Variants in EDDM3A observed in about 807,000 individuals in gnomAD.
EDDM3A encodes the protein epididymal protein 3A.
For synonymous variants in EDDM3A, 75 were observed against 60.4 expected (o/e 1.24, Z -1.12); for missense variants, 199 against 177.4 (o/e 1.12, Z -0.69).
chr14:20,744,806 TA>T (rs148864433), upstream of EDDM3A, among the ~76,000 whole-genome samples: 4,953 of 152,246 alleles, frequency 0.033, 246 homozygotes, highest in African/African-American at 0.11. Context: ...AGGTTATAAT[TA>T]AAAAACTGAG....
chr14:20,747,564 T>C lies in EDDM3A; in HGVS notation c.-17T>C. 2 of 1,576,310 alleles carry C rather than the reference T, an allele frequency of 1.3e-6. No homozygotes were observed. Among genetic ancestry groups the C allele is most frequent in the Admixed American group, 1.8e-5 (1 of 55,186 alleles). ...TTTCTCTTCCCTGTAGACACGCAGG[T>C]GGACGTGGTGACTGAGATGACATCC... On this transcript the variant is annotated 5_prime_UTR_variant, in exon 2 of 2. Transcript: ENST00000326842.
the EDDM3A span, among the ~76,000 whole-genome samples, chr14:20,739,736 C>A: frequency 1.3e-5 from 2 of 152,170 alleles, no homozygotes; most frequent in Non-Finnish European, 2.9e-5. Context: ...AAAGGATTAA[C>A]AGCTCATCAA....
chr14:20,736,838 G>A, the EDDM3A span, among the ~76,000 whole-genome samples: 1 of 151,814 alleles, frequency 6.6e-6, no homozygotes, highest in Non-Finnish European at 1.5e-5. Flanking sequence ...AGCCTCTCTA[G>A]TAGCTGGGAT....
At chr14:20,742,504 T>C (rs903643489), upstream of EDDM3A, among the ~76,000 whole-genome samples, 1 of 152,218 alleles carries the variant, frequency 6.6e-6, no homozygotes, top group Admixed American at 6.5e-5. Flanking sequence ...CCACGATAGG[T>C]GTGTGGCCTG....
Position 20,747,986 on chromosome 14 carries a change from A to G in EDDM3A, c.406A>G (p.Ile136Val), listed in dbSNP as rs772565514. Reference protein sequence around the residue: ...HCGVDGYVDNIEDLRIIEPIS... With the variant: ...HCGVDGYVDNVEDLRIIEPIS... ...TGGCGTAGATGGATATGTTGATAAC[A>G]TAGAAGACCTGAGGATTATAGAACC... Residue 136 changes from isoleucine to valine, a missense_variant, in exon 2 of 2, where the codon ATA (isoleucine) becomes GTA (valine). Coordinates refer to ENST00000326842, the MANE Select transcript of EDDM3A (RefSeq NM_006683.5). 3 of 1,611,634 alleles carry G rather than the reference A, an allele frequency of 1.9e-6. No individual in the cohort carries two copies. In the Admixed American group the frequency reaches 5.0e-5, roughly 27 times the overall value.
the EDDM3A span, among the ~76,000 whole-genome samples, chr14:20,739,070 T>C: frequency 7.9e-5 from 12 of 152,318 alleles, no homozygotes; most frequent in African/African-American, 2.6e-4. Context: ...ATACTGTTTC[T>C]CAAAATAAGC....
the EDDM3A span, among the ~76,000 whole-genome samples, chr14:20,738,357 G>A: frequency 1.3e-5 from 2 of 152,086 alleles, no homozygotes; most frequent in African/African-American, 2.4e-5. Flanking sequence ...TGTAGTCCCA[G>A]CTACTCGGGG....
upstream of EDDM3A, among the ~76,000 whole-genome samples, chr14:20,744,136 G>A (rs1156374898): frequency 1.3e-5 from 2 of 152,146 alleles, no homozygotes; most frequent in African/African-American, 2.4e-5. Context: ...TTTTCCCTCA[G>A]AATCGCCTCT....
chr14:20,738,417 GC>G, the EDDM3A span, among the ~76,000 whole-genome samples: 60 of 151,978 alleles, frequency 3.9e-4, no homozygotes, highest in Non-Finnish European at 2.6e-4. Context: ...ATTGCAGTGA[GC>G]CGAGATTGTG....
the EDDM3A span, among the ~76,000 whole-genome samples, chr14:20,736,874 C>A: frequency 6.6e-6 from 1 of 151,916 alleles, no homozygotes; most frequent in Admixed American, 6.6e-5. Flanking sequence ...CCATGCCTGG[C>A]TAATTTTTTG....
intron 1 of EDDM3A, among the ~76,000 whole-genome samples, chr14:20,747,149 G>T (rs1166959426): frequency 1.4e-5 from 2 of 142,342 alleles, no homozygotes; most frequent in Non-Finnish European, 3.0e-5. Context: ...TGTCACCCAG[G>T]CCGGAGTGCA....
chr14:20,741,754 G>A (rs762547131), upstream of EDDM3A, among the ~76,000 whole-genome samples: 31 of 152,296 alleles, frequency 2.0e-4, no homozygotes, highest in Non-Finnish European at 3.5e-4. Flanking sequence ...GGGCCCGAGG[G>A]CAGCCTCTGA....
rs1006904584 is a variant in EDDM3A at position 20,747,025 on chromosome 14, G to T, written c.-26-530G>T. On this transcript the variant is annotated intron_variant, in intron 1 of 1. Coordinates refer to ENST00000326842, the MANE Select transcript of EDDM3A (RefSeq NM_006683.5). ...AGGAGATATTTGAAATTCTCAAAAG[G>T]TACTTTATCTATATTTTCCAAATTT... Among the ~76,000 whole-genome samples the T allele has an allele frequency of 5.8e-5, 8 of 137,310 alleles. No individual in the cohort carries two copies. The South Asian group carries it at 1.8e-3, about 31-fold the overall frequency. 90.1% of individuals were successfully genotyped at this position (137,310 alleles called of 152,430 possible). A position where few individuals can be genotyped will look rare whatever the true frequency, so the allele number is the denominator to read the frequency against.
Position 20,747,670 on chromosome 14 carries a change from G to C in EDDM3A, c.90G>C (p.Trp30Cys), listed in dbSNP as rs1353294712. ...GTGTATACAGTAACAACATTTACTG[G>C]AGAGAATTCATAAAACTTCATTACT... Reference protein sequence around the residue: ...RLCVYSNNIYWREFIKLHYLS... With the variant: ...RLCVYSNNIYCREFIKLHYLS... The change falls in exon 2 of 2, where the codon TGG becomes TGC. Residue 30 changes from tryptophan (W) to cysteine (C), a missense_variant. Trp to Cys is a radical substitution (Grantham distance 215). Transcript: ENST00000326842. 1.2e-6 allele frequency: 2 copies of C among 1,613,948 alleles called. No homozygotes were observed. Among genetic ancestry groups the C allele is most frequent in the East Asian group, 4.5e-5 (2 of 44,874 alleles).
At chr14:20,745,837 A>G (rs560127126), upstream of EDDM3A, 2 of 152,576 alleles carry the variant, frequency 1.3e-5, no homozygotes, top group Non-Finnish European at 2.9e-5. Context: ...TCGGCTACCA[A>G]TCAGCTGGAG....
chr14:20,739,820 A>G, the EDDM3A span, among the ~76,000 whole-genome samples: 1 of 152,188 alleles, frequency 6.6e-6, no homozygotes, highest in Non-Finnish European at 1.5e-5. Flanking sequence ...GCAGCTGCTA[A>G]CTAACCAAGA....
At chr14:20,747,511 T>G in intron 1 of EDDM3A, 44 bp from the exon 2 acceptor site, 1 of 1,266,740 alleles carries the variant, frequency 7.9e-7, no homozygotes, top group South Asian at 1.5e-5. Context: ...AGCTCAGCTC[T>G]CTGAGTATAG....
chr14:20,748,203 T>A lies in EDDM3A; in HGVS notation c.*179T>A. 1 of 552,478 alleles carries A rather than the reference T, an allele frequency of 1.8e-6. No individual in the cohort carries two copies. Among genetic ancestry groups the A allele is most frequent in the Non-Finnish European group, 3.2e-6 (1 of 313,198 alleles). 34.2% of individuals were successfully genotyped at this position (552,478 alleles called of 1,614,324 possible). On this transcript the variant is annotated 3_prime_UTR_variant, in exon 2 of 2. Coordinates refer to ENST00000326842, the MANE Select transcript of EDDM3A (RefSeq NM_006683.5). ...ATACCAAATCTTTGTGTGGTTTCTG[T>A]ATCTGTAATACAATTTTGTCCTAAT...
chr14:20,743,135 C>T (rs567499884), upstream of EDDM3A, among the ~76,000 whole-genome samples: 13 of 152,254 alleles, frequency 8.5e-5, no homozygotes, highest in South Asian at 4.1e-4. Flanking sequence ...CTTGGAAGTC[C>T]GTGGATCACA....
Sources: gnomAD v4.1 joint callset for allele counts (sites outside exome capture counted in the v4.1 genomes callset) on GRCh38, gnomAD v4.1.1 for gene constraint, MANE v1.5 for transcripts, NCBI Gene and HGNC (gene_info 2026-07-23, HGNC 2026-07-21) for gene names.